Variants in CNNM2 observed in about 807,000 individuals in gnomAD.
The protein encoded by CNNM2 is cyclin and CBS domain divalent metal cation transport mediator 2, also known as metal transporter CNNM2.
A neutral mutation model predicts 66.9 loss-of-function variants in CNNM2; 12 were observed. The observed-to-expected ratio is 0.18, with a 90% CI of 0.11 to 0.29. The LOEUF (loss-of-function observed/expected upper bound fraction) is 0.29, where lower values mean the gene tolerates loss of function less well. Among genes scored for constraint, CNNM2 ranks in the 10% least tolerant of loss-of-function variants. CNNM2 has a pLI of 1.00. For synonymous variants in CNNM2, 557 were observed against 501.8 expected, an observed-to-expected ratio of 1.11 and a Z score of -1.47; for missense variants, 705 against 1,167.7, an observed-to-expected ratio of 0.60 and a Z score of 5.77.
Position 103,021,375 on chromosome 10 carries a change from C to T in CNNM2, c.1622-28332C>T, listed in dbSNP as rs548629164. 2.0e-5 allele frequency among the ~76,000 whole-genome samples: 3 copies of T among 152,104 alleles called. No homozygotes were observed. The South Asian group carries it at 6.2e-4, about 32-fold the overall frequency. ...TCCTGAGTCTTCAGCAGAGTCCCGT[C>T]GAATGTGTGTGTGTGAGGAGACCAC... On this transcript the variant is annotated intron_variant, in intron 1 of 7. Transcript: ENST00000369878.
chr10:102,963,942 A>G lies in CNNM2; in HGVS notation c.1621+43841A>G, dbSNP rs80334128. The stretch of plus-strand genomic sequence containing the variant: ...GAGTTTTCTTTTAGAAATTAAACAG[A>G]TGTGCATTGTTCTGATGGACTGAAA... On this transcript the variant is annotated intron_variant, in intron 1 of 7. Transcript: ENST00000369878. Among the ~76,000 whole-genome samples the G allele has an allele frequency of 7.1e-3, 1,075 of 152,326 alleles. 13 individuals carry two copies. Among genetic ancestry groups the G allele is most frequent in the Middle Eastern group, 0.02 (6 of 294 alleles).
At chr10:103,068,862 T>C (rs1314614583) in intron 5 of CNNM2, 140 bp downstream of exon 5, 1 of 635,912 alleles carries the variant, frequency 1.6e-6, no homozygotes, top group East Asian at 2.8e-5. Context: ...ATATCATATA[T>C]GCAGAAAATC....
intron 1 of CNNM2, among the ~76,000 whole-genome samples, chr10:102,950,735 C>T (rs987163450): frequency 3.9e-5 from 6 of 151,930 alleles, no homozygotes; most frequent in African/African-American, 1.2e-4. Context: ...GCCTGGACAA[C>T]GTGAGACCCT....
chr10:103,034,667 T>G (rs1590431952), intron 1 of CNNM2, among the ~76,000 whole-genome samples: 2 of 152,280 alleles, frequency 1.3e-5, no homozygotes, highest in East Asian at 3.9e-4. Context: ...ACTAAAACCT[T>G]ATAATGGAAC....
At position 102,970,147 on chromosome 10, in the gene CNNM2, G is replaced by A. The variant is rs147656723; in HGVS notation, c.1621+50046G>A. Among the ~76,000 whole-genome samples, 615 of 152,222 alleles carry A rather than the reference G, an allele frequency of 4.0e-3. 20 individuals are homozygous for A. Among genetic ancestry groups the A allele is most frequent in the Admixed American group, 0.036 (556 of 15,300 alleles). The stretch of plus-strand genomic sequence containing the variant: ...TAAAGAATTTTATTTTTAAATGGTC[G>A]AAAGTAAAAGAATACTATTTTAGCC... On this transcript the variant is annotated intron_variant, in intron 1 of 7. Coordinates refer to ENST00000369878, the MANE Select transcript of CNNM2 (RefSeq NM_017649.5).
chr10:102,995,559 ATT>A (rs990541559), intron 1 of CNNM2, among the ~76,000 whole-genome samples: 3 of 151,326 alleles, frequency 2.0e-5, no homozygotes, highest in Non-Finnish European at 4.4e-5. Context: ...TATTTGTTCT[ATT>A]ATATGTAGAG....
chr10:103,073,861 T>TC (rs1318016836), intron 6 of CNNM2, among the ~76,000 whole-genome samples: 1 of 86,066 alleles, frequency 1.2e-5, no homozygotes, highest in African/African-American at 4.9e-5. Context: ...AGAGCGAGAC[T>TC]CCGTCTCAAA....
chr10:103,006,794 T>G (rs1286129261), intron 1 of CNNM2, among the ~76,000 whole-genome samples: 2 of 152,010 alleles, frequency 1.3e-5, no homozygotes, highest in Admixed American at 1.3e-4. Context: ...ACCCAGATAA[T>G]TTTATTTATT....
At position 103,054,292 on chromosome 10, in the gene CNNM2, A is replaced by T. The variant is rs2065262134; in HGVS notation, c.1766-37A>T. 1 of 1,605,816 alleles carries T rather than the reference A, an allele frequency of 6.2e-7. No individual in the cohort carries two copies. The highest frequency in any genetic ancestry group is 2.2e-5 in the East Asian group (1 of 44,786). On this transcript the variant is annotated intron_variant, in intron 2 of 7. Transcript: ENST00000369878. The surrounding 1 kb of genome is among the most constrained non-coding windows in gnomAD (Gnocchi z 5.2). ...AAAGAGCCCTCATCTCATGGGATGC[A>T]TTTCTTTTTTTTTCTCTCTTTTAAT...
rs151065095 is a variant in CNNM2 at position 103,089,786 on chromosome 10, C to T, written c.*12606C>T. The T allele has an allele frequency of 2.6e-5, 42 of 1,613,938 alleles. No homozygotes were observed. In the African/African-American group the frequency reaches 5.2e-4, roughly 20 times the overall value. On this transcript the variant is annotated 3_prime_UTR_variant, in exon 8 of 8. Coordinates refer to ENST00000369878, the MANE Select transcript of CNNM2 (RefSeq NM_017649.5). ...GTTTAATCTCACTAATTGACCGTGTCAGCTGGTGCCGCTTGTAGTCAGTGT... is the reference window on the plus strand; with the variant it reads ...GTTTAATCTCACTAATTGACCGTGTTAGCTGGTGCCGCTTGTAGTCAGTGT...
intron 1 of CNNM2, among the ~76,000 whole-genome samples, chr10:102,975,896 G>A (rs966438467): frequency 1.3e-5 from 2 of 152,140 alleles, no homozygotes; most frequent in Non-Finnish European, 2.9e-5. Flanking sequence ...TAATTACAAC[G>A]AAGTCAGCAG....
chr10:103,017,092 A>AT (rs2064467732), intron 1 of CNNM2, among the ~76,000 whole-genome samples: 1 of 152,038 alleles, frequency 6.6e-6, no homozygotes, highest in Non-Finnish European at 1.5e-5. Context: ...GTGAGGCCCA[A>AT]CAATACTTGG....
chr10:103,074,179 T>G (rs576083251), intron 6 of CNNM2, among the ~76,000 whole-genome samples: 6 of 152,062 alleles, frequency 3.9e-5, no homozygotes, highest in Non-Finnish European at 7.4e-5. Flanking sequence ...TCCCAGCTAC[T>G]CAGGAGGCTG....
intron 2 of CNNM2, among the ~76,000 whole-genome samples, chr10:103,053,479 G>A (rs553050942): frequency 6.6e-6 from 1 of 152,300 alleles, no homozygotes; most frequent in Non-Finnish European, 1.5e-5. Flanking sequence ...TTGTGCTGCT[G>A]TACTCCAGCC....
chr10:102,986,478 A>G (rs573954699), intron 1 of CNNM2, among the ~76,000 whole-genome samples: 1 of 152,302 alleles, frequency 6.6e-6, no homozygotes, highest in South Asian at 2.1e-4. Context: ...TCCAAAAAGT[A>G]GAGCCATTTG....
intron 1 of CNNM2, among the ~76,000 whole-genome samples, chr10:102,974,850 C>T (rs746918781): frequency 2.0e-5 from 3 of 152,174 alleles, no homozygotes; most frequent in African/African-American, 7.2e-5. Flanking sequence ...CTATTTTATT[C>T]TGTATTGGGG....
At chr10:102,943,214 G>C (rs917410772) in intron 1 of CNNM2, among the ~76,000 whole-genome samples, 5 of 151,996 alleles carry the variant, frequency 3.3e-5, no homozygotes, top group African/African-American at 1.2e-4. Context: ...GACAAAGCAA[G>C]ACTCTGTCTC....
chr10:103,058,787 C>T (rs911140464), intron 4 of CNNM2, among the ~76,000 whole-genome samples: 8 of 152,154 alleles, frequency 5.3e-5, no homozygotes, highest in South Asian at 2.1e-4. Context: ...ATCTTGCAGA[C>T]AGCCAGTTAC....
At chr10:103,028,213 T>C (rs1201863645) in intron 1 of CNNM2, among the ~76,000 whole-genome samples, 2 of 152,240 alleles carry the variant, frequency 1.3e-5, no homozygotes, top group Non-Finnish European at 2.9e-5. Context: ...ACCAGGTCCC[T>C]CAAAAGGATG....
Sources: gnomAD v4.1 joint callset for allele counts (sites outside exome capture counted in the v4.1 genomes callset) on GRCh38, gnomAD v4.1.1 for gene constraint, Gnocchi (gnomAD v3.1) non-coding constraint, MANE v1.5 for transcripts, NCBI Gene and HGNC (gene_info 2026-07-23, HGNC 2026-07-21) for gene names.